PCDHA7: variants seen among roughly 807,000 people sequenced by gnomAD.
The protein encoded by PCDHA7 is protocadherin alpha 7.
In PCDHA7, 37 loss-of-function variants were observed where a neutral mutation model predicts 57.2. The ratio of observed to expected loss-of-function variants is 0.65; its 90% CI spans 0.50 to 0.85. The LOEUF is 0.85. Among genes scored for constraint, PCDHA7 ranks in the 40% least tolerant of loss-of-function variants. The probability of loss-of-function intolerance (pLI) is 0.00; values close to 1 mark genes in which losing one functional copy is unlikely to be tolerated. For missense variants in PCDHA7, 1,188 were observed against 1,241.8 expected (o/e 0.96, Z 0.65); for synonymous variants, 553 against 558.8 (o/e 0.99, Z 0.15).
intron 1 of PCDHA7, chr5:140,968,168 A>T (rs145694919): frequency 3.1e-6 from 5 of 1,614,098 alleles, no homozygotes; most frequent in Non-Finnish European, 4.2e-6. Context: ...CAATCCACCA[A>T]GCTTCCTGGA....
intron 1 of PCDHA7, chr5:140,868,434 C>A (rs1581841717): frequency 6.6e-6 from 1 of 152,092 alleles, no homozygotes; most frequent in East Asian, 1.9e-4. Context: ...GAGAATAGAT[C>A]ATGTGGAACA....
Position 140,835,579 on chromosome 5 carries a change from C to T in PCDHA7, c.1196C>T (p.Ser399Phe), listed in dbSNP as rs2150238736. The part of the protein sequence containing the change: ...LTPRVPFKLV[S>F]TFKNYYSLVL... ...CCCCGCGTTCCCTTCAAGTTGGTGT[C>T]CACCTTCAAGAATTACTATTCATTG... The change falls in exon 1 of 4, where the codon TCC becomes TTC. Residue 399 changes from serine to phenylalanine, a missense_variant. Ser to Phe is a radical substitution (Grantham distance 155). Around this residue, in one of 3 missense-constraint regions of PCDHA7, gnomAD observed 892 missense variants for 788.5 expected, o/e 1.13. Transcript: ENST00000525929. 5 of 1,613,798 alleles carry T rather than the reference C, an allele frequency of 3.1e-6. No individual in the cohort carries two copies. The African/African-American group carries it at 5.3e-5, about 17-fold the overall frequency.
chr5:140,903,367 T>G (rs1247838310), intron 1 of PCDHA7, among the ~76,000 whole-genome samples: 1 of 152,188 alleles, frequency 6.6e-6, no homozygotes, highest in African/African-American at 2.4e-5. Flanking sequence ...TTCAAAAATA[T>G]AGGGAGGATT....
In PCDHA7 at chr5:140,834,546, G is replaced by A; in HGVS notation, c.163G>A (p.Glu55Lys). The change falls in exon 1 of 4, where the codon GAG (glutamate) becomes AAG (lysine). Residue 55 changes from glutamate (E) to lysine (K), a missense_variant. Around this residue, in one of 3 missense-constraint regions of PCDHA7, gnomAD observed 194 missense variants for 185.8 expected, o/e 1.04. Coordinates refer to ENST00000525929, the MANE Select transcript of PCDHA7 (RefSeq NM_018910.3). ...CCGCATCGCGCAGGACCTGGGGCTGGAGCTGGCGGAGCTGGTGCCGCGCCT... is the reference window on the plus strand; with the variant it reads ...CCGCATCGCGCAGGACCTGGGGCTGAAGCTGGCGGAGCTGGTGCCGCGCCT... ...VGRIAQDLGL[E>K]LAELVPRLFR... 1 of 1,614,062 alleles carries A rather than the reference G, an allele frequency of 6.2e-7. No homozygotes were observed. Among genetic ancestry groups the A allele is most frequent in the Non-Finnish European group, 8.5e-7 (1 of 1,180,028 alleles).
chr5:140,871,134 C>T, intron 1 of PCDHA7: 1 of 1,613,414 alleles, frequency 6.2e-7, no homozygotes, highest in Non-Finnish European at 8.5e-7. Flanking sequence ...CGCCAAAGGC[C>T]TCTTCCCGGA....
intron 2 of PCDHA7, among the ~76,000 whole-genome samples, chr5:140,981,831 G>A (rs2096952818): frequency 6.6e-6 from 1 of 152,006 alleles, no homozygotes; most frequent in African/African-American, 2.4e-5. Flanking sequence ...TGCCTCTAAA[G>A]GTCTCCCAGT....
In PCDHA7 at chr5:140,835,036, G is replaced by A. The variant is rs1554134704; in HGVS notation, c.653G>A (p.Gly218Asp). Residue 218 changes from glycine (G) to aspartate (D), a missense_variant, in exon 1 of 4, where the codon GGC becomes GAC. Transcript: ENST00000525929. ...TTATTGCTCACGGCCACCGATGGAGGCAAACCCGAGCTGACTGGCACCGTT... is the reference window on the plus strand; with the variant it reads ...TTATTGCTCACGGCCACCGATGGAGACAAACCCGAGCTGACTGGCACCGTT... ...LHLLLTATDGGKPELTGTVQL... is the reference protein window; with the variant it reads ...LHLLLTATDGDKPELTGTVQL... 1.2e-5 allele frequency: 16 copies of A among 1,285,586 alleles called. No homozygotes were observed. Among genetic ancestry groups the A allele is most frequent in the Non-Finnish European group, 6.3e-6 (6 of 946,278 alleles). 79.6% of individuals were successfully genotyped at this position (1,285,586 alleles called of 1,614,324 possible).
chr5:140,966,690 G>T, intron 1 of PCDHA7: 1 of 1,349,568 alleles, frequency 7.4e-7, no homozygotes, highest in Non-Finnish European at 9.5e-7. Context: ...AGCGGAGGCG[G>T]GGCCCGGGCG....
intron 1 of PCDHA7, among the ~76,000 whole-genome samples, chr5:140,935,942 G>A (rs2090659965): frequency 6.8e-6 from 1 of 147,088 alleles, no homozygotes; most frequent in Non-Finnish European, 1.5e-5. Flanking sequence ...GCCCAGGCTG[G>A]AGTAAAGTGG....
At chr5:140,911,275 G>A (rs1048648150) in intron 1 of PCDHA7, among the ~76,000 whole-genome samples, 1 of 152,164 alleles carries the variant, frequency 6.6e-6, no homozygotes, top group Non-Finnish European at 1.5e-5. Context: ...AGTGTCCCCA[G>A]CTTCATCAGG....
chr5:140,857,234 C>T (rs781784109), intron 1 of PCDHA7: 2 of 1,598,590 alleles, frequency 1.3e-6, no homozygotes, highest in South Asian at 1.1e-5. Context: ...TCCGTTCAAG[C>T]TGGTGTCCAC....
chr5:140,953,267 C>G (rs902465304), intron 1 of PCDHA7, among the ~76,000 whole-genome samples: 4 of 152,068 alleles, frequency 2.6e-5, no homozygotes, highest in African/African-American at 4.8e-5. Flanking sequence ...TTAGCTTTAG[C>G]CTTTGCTCTT....
At chr5:140,989,837 T>C (rs1389244965) in intron 3 of PCDHA7, among the ~76,000 whole-genome samples, 1 of 152,120 alleles carries the variant, frequency 6.6e-6, no homozygotes, top group African/African-American at 2.4e-5. Context: ...AGCCTGTCAA[T>C]GAGTGTGTGG....
Position 141,010,180 on chromosome 5 carries a change from AC to A in PCDHA7, c.*246del. The stretch of plus-strand genomic sequence containing the variant: ...CTTGTTTTCAGAACCTAAAAAGCAG[AC>A]CCAAGTTTCCTTTCTCCTCCGCCGC... On this transcript the variant is annotated 3_prime_UTR_variant, in exon 4 of 4. Coordinates refer to ENST00000525929, the MANE Select transcript of PCDHA7 (RefSeq NM_018910.3). 2 of 1,554,710 alleles carry A rather than the reference AC, an allele frequency of 1.3e-6. No individual in the cohort carries two copies. The highest frequency in any genetic ancestry group is 1.7e-6 in the Non-Finnish European group (2 of 1,148,310).
rs1554141625 is a variant in PCDHA7 at position 140,847,005 on chromosome 5, A to G, written c.2355+10267A>G. On this transcript the variant is annotated intron_variant, in intron 1 of 3. Coordinates refer to ENST00000525929, the MANE Select transcript of PCDHA7 (RefSeq NM_018910.3). Reference sequence around the variant, plus strand: ...AGTTCCCCCCGGGAGAATATTGAGAATGATAGACATTTCTTGGAAAGAGAA... The same window carrying G: ...AGTTCCCCCCGGGAGAATATTGAGAGTGATAGACATTTCTTGGAAAGAGAA... 2.7e-5 allele frequency among the ~76,000 whole-genome samples: 4 copies of G among 149,762 alleles called. 1 individual carries two copies.
intron 1 of PCDHA7, among the ~76,000 whole-genome samples, chr5:140,939,994 G>A (rs2092519687): frequency 6.6e-6 from 1 of 151,998 alleles, no homozygotes; most frequent in African/African-American, 2.4e-5. Flanking sequence ...TTTCTCCTTG[G>A]ATTTTGTCAA....
intron 1 of PCDHA7, chr5:140,967,400 C>T: frequency 6.2e-7 from 1 of 1,611,718 alleles, no homozygotes; most frequent in South Asian, 1.1e-5. Context: ...GCTGGTGCTG[C>T]GTAAGGGCCT....
chr5:141,008,438 A>G (rs1214725080), intron 3 of PCDHA7, among the ~76,000 whole-genome samples: 1 of 152,204 alleles, frequency 6.6e-6, no homozygotes, highest in Admixed American at 6.5e-5. Flanking sequence ...TTGCCCAGAC[A>G]GACCATTACC....
At chr5:140,971,369 T>C (rs1384716266) in intron 1 of PCDHA7, among the ~76,000 whole-genome samples, 1 of 152,094 alleles carries the variant, frequency 6.6e-6, no homozygotes, top group Non-Finnish European at 1.5e-5. Context: ...GCCAGGAGAG[T>C]GCATGACTTT....
Sources: gnomAD v4.1 joint callset for allele counts (sites outside exome capture counted in the v4.1 genomes callset) on GRCh38, gnomAD v4.1.1 for gene constraint, gnomAD v4.1.1 regional missense constraint, MANE v1.5 for transcripts, NCBI Gene and HGNC (gene_info 2026-07-23, HGNC 2026-07-21) for gene names.